DUSP29: variants seen among roughly 807,000 people sequenced by gnomAD.
DUSP29 encodes the protein dual specificity phosphatase 29.
DUSP29 carries 12 observed loss-of-function variants against 13.5 expected under a neutral mutation model. That is an observed-to-expected ratio of 0.89 (90% CI 0.57 to 1.44). DUSP29 has a LOEUF of 1.44. Among genes scored for constraint, DUSP29 ranks in the 40% most tolerant of loss-of-function variants. The pLI is 0.00. For synonymous variants in DUSP29, 134 were observed against 128.7 expected (o/e 1.04, Z -0.28); for missense variants, 308 against 301.1 (o/e 1.02, Z -0.17).
chr10:75,040,655 T>C (rs1846561534), intron 3 of DUSP29, among the ~76,000 whole-genome samples: 1 of 152,212 alleles, frequency 6.6e-6, no homozygotes, highest in African/African-American at 2.4e-5. Context: ...AGGACTCTTC[T>C]GTGAGGCCTC....
At position 75,037,866 on chromosome 10, in the gene DUSP29, G is replaced by A. The variant is rs146506670; in HGVS notation, c.633C>T (p.Asp211=). The A allele has an allele frequency of 8.7e-6, 14 of 1,610,716 alleles. No homozygotes were observed. Among genetic ancestry groups the A allele is most frequent in the African/African-American group, 5.3e-5 (4 of 74,896 alleles). Residue 211 remains aspartate (D), a synonymous_variant, in exon 4 of 4, where the codon GAC becomes GAT. Coordinates refer to ENST00000338487, the MANE Select transcript of DUSP29 (RefSeq NM_001003892.3). ...GCTCCCTGCCATCCTCCTCCTCACC[G>A]TCCTGGCGCTGGGACCGTCGCCTCT... is the stretch of plus-strand genomic sequence containing the variant. The part of the protein sequence containing the change: ...VQQRRRSQRQ[D]GEEEDGREL
intron 2 of DUSP29, among the ~76,000 whole-genome samples, chr10:75,045,975 G>C (rs1846697688): frequency 6.6e-6 from 1 of 152,004 alleles, no homozygotes; most frequent in Non-Finnish European, 1.5e-5. Context: ...AATTAGCCGG[G>C]CATGCTGGCA....
chr10:75,044,687 T>G (rs577959379), intron 2 of DUSP29, among the ~76,000 whole-genome samples: 2 of 152,226 alleles, frequency 1.3e-5, no homozygotes, highest in Non-Finnish European at 2.9e-5. Context: ...TACAGCTTTA[T>G]CTTTCTAGGC....
intron 1 of DUSP29, among the ~76,000 whole-genome samples, chr10:75,065,116 CT>C (rs1847167845): frequency 6.6e-6 from 1 of 152,112 alleles, no homozygotes; most frequent in Non-Finnish European, 1.5e-5. Flanking sequence ...CCAGTGCCTT[CT>C]TTGACAAAAA....
rs749959235 is a variant in DUSP29, at chr10:75,058,439, C to T, written c.76G>A (p.Glu26Lys). The T allele has an allele frequency of 2.5e-6, 4 of 1,614,150 alleles. No individual in the cohort carries two copies. Among genetic ancestry groups the T allele is most frequent in the Non-Finnish European group, 3.4e-6 (4 of 1,180,056 alleles). ...CAGTAGTCCTCCTCCTCCCCTTCCT[C>T]CTCCATCTTCGGCGACAGCCTCTTG... is the stretch of plus-strand genomic sequence containing the variant. The part of the protein sequence containing the change: ...SAKRLSPKME[E>K]EGEEEDYCTP... The change falls in exon 2 of 4, where the codon GAG becomes AAG. Residue 26 changes from glutamate (E) to lysine (K), a missense_variant. Transcript: ENST00000338487.
chr10:75,050,365 T>C (rs1846799807), intron 2 of DUSP29, among the ~76,000 whole-genome samples: 1 of 152,256 alleles, frequency 6.6e-6, no homozygotes, highest in South Asian at 2.1e-4. Flanking sequence ...ATTATTCTTA[T>C]CTCATCATTG....
rs905617926 is a variant in DUSP29, at chr10:75,037,531, C to A, written c.*305G>T. On this transcript the variant is annotated 3_prime_UTR_variant, in exon 4 of 4. Coordinates refer to ENST00000338487, the MANE Select transcript of DUSP29 (RefSeq NM_001003892.3). The stretch of plus-strand genomic sequence containing the variant: ...CTGCCTACACATTTTAAAATCTTTT[C>A]CCTCTTCCTTCTCACCAAAAAAACA... Among the ~76,000 whole-genome samples the A allele has an allele frequency of 6.6e-6, 1 of 152,208 alleles. No individual in the cohort carries two copies. Among genetic ancestry groups the A allele is most frequent in the Non-Finnish European group, 1.5e-5 (1 of 68,038 alleles).
chr10:75,072,751 C>T lies in DUSP29; in HGVS notation c.-35+818G>A, dbSNP rs1847358751. Among the ~76,000 whole-genome samples the T allele has an allele frequency of 2.6e-5, 4 of 152,124 alleles. No individual in the cohort carries two copies. The South Asian group carries it at 6.2e-4, about 24-fold the overall frequency. On this transcript the variant is annotated intron_variant, in intron 1 of 3. Transcript: ENST00000338487. ...TCCTCCTGTTCGCTGGAGCATTTTCCGCTTTCCCGAACGATCAGAGCCCCC... is the reference window on the plus strand; with the variant it reads ...TCCTCCTGTTCGCTGGAGCATTTTCTGCTTTCCCGAACGATCAGAGCCCCC...
chr10:75,052,211 C>A (rs1846848386), intron 2 of DUSP29, among the ~76,000 whole-genome samples: 1 of 152,096 alleles, frequency 6.6e-6, no homozygotes, highest in African/African-American at 2.4e-5. Context: ...GAATAAAGTC[C>A]CTTGGCCGTC....
At position 75,037,722 on chromosome 10, in the gene DUSP29, T is replaced by A. The variant is rs774021553; in HGVS notation, c.*114A>T. ...CACATGGGGAAGTTGAACAAGATGG[T>A]TTGGAAGAGTCGAGCTTCGGTTTCA... On this transcript the variant is annotated 3_prime_UTR_variant, in exon 4 of 4. Coordinates refer to ENST00000338487, the MANE Select transcript of DUSP29 (RefSeq NM_001003892.3). 20 of 1,485,060 alleles carry A rather than the reference T, an allele frequency of 1.3e-5. No homozygotes were observed. Among genetic ancestry groups the A allele is most frequent in the Non-Finnish European group, 1.8e-5 (20 of 1,116,298 alleles). 92.0% of individuals were successfully genotyped at this position (1,485,060 alleles called of 1,614,324 possible).
At chr10:75,073,206 G>A (rs77602420) in intron 1 of DUSP29, among the ~76,000 whole-genome samples, 67 of 151,854 alleles carry the variant, frequency 4.4e-4, no homozygotes, top group African/African-American at 1.6e-3. Flanking sequence ...TCTCTCTCTC[G>A]CCCCCGAGAT....
intron 3 of DUSP29, among the ~76,000 whole-genome samples, chr10:75,040,052 G>T (rs544171163): frequency 6.6e-6 from 1 of 152,162 alleles, no homozygotes; most frequent in East Asian, 1.9e-4. Context: ...GTGGTGGTGG[G>T]CACCTCCCAG....
At chr10:75,058,757 C>T (rs1487080684) in intron 1 of DUSP29, among the ~76,000 whole-genome samples, 1 of 152,212 alleles carries the variant, frequency 6.6e-6, no homozygotes, top group South Asian at 2.1e-4. Flanking sequence ...ATGTTCCAAT[C>T]TTTCTAGAGA....
At chr10:75,056,268 C>T (rs1286221067) in intron 2 of DUSP29, among the ~76,000 whole-genome samples, 1 of 151,984 alleles carries the variant, frequency 6.6e-6, no homozygotes, top group African/African-American at 2.4e-5. Flanking sequence ...TGGCTCACAC[C>T]TTTAATCCCA....
chr10:75,061,135 C>T (rs1847078639), intron 1 of DUSP29, among the ~76,000 whole-genome samples: 1 of 152,154 alleles, frequency 6.6e-6, no homozygotes, highest in Admixed American at 6.5e-5. Context: ...CCTCCCACCT[C>T]AGCTTCCCAA....
intron 1 of DUSP29, among the ~76,000 whole-genome samples, chr10:75,058,749 G>T (rs1847022435): frequency 6.6e-6 from 1 of 152,220 alleles, no homozygotes; most frequent in African/African-American, 2.4e-5. Context: ...CTTCCCCAAT[G>T]TTCCAATCTT....
chr10:75,062,407 C>A (rs1188740714), intron 1 of DUSP29, among the ~76,000 whole-genome samples: 2 of 152,318 alleles, frequency 1.3e-5, no homozygotes, highest in South Asian at 2.1e-4. Context: ...CTGACCTCAC[C>A]CTTGGTGAGG....
chr10:75,063,023 G>T (rs551412432), intron 1 of DUSP29, among the ~76,000 whole-genome samples: 36 of 152,150 alleles, frequency 2.4e-4, no homozygotes, highest in Non-Finnish European at 4.7e-4. Context: ...TCAGGGAGGG[G>T]CCAGGCAGAT....
chr10:75,058,222 A>G, intron 2 of DUSP29, 93 bp downstream of exon 2: 3 of 1,454,464 alleles, frequency 2.1e-6, no homozygotes, highest in African/African-American at 1.4e-5. Context: ...AACGACTACA[A>G]ATTCCAAAGC....
Sources: gnomAD v4.1 joint callset for allele counts (sites outside exome capture counted in the v4.1 genomes callset) on GRCh38, gnomAD v4.1.1 for gene constraint, MANE v1.5 for transcripts, NCBI Gene and HGNC (gene_info 2026-07-23, HGNC 2026-07-21) for gene names.